Variants in DDC observed in about 807,000 individuals in gnomAD.
DDC encodes dopa decarboxylase, also known as aromatic-L-amino-acid decarboxylase.
A neutral mutation model predicts 60.0 loss-of-function variants in DDC; 43 were observed. The ratio of observed to expected loss-of-function variants is 0.72; its 90% CI spans 0.56 to 0.92. The LOEUF is 0.92. DDC is among the 40% of genes least tolerant of loss of function. The pLI is 0.00. For missense variants in DDC, 573 were observed against 620.2 expected (o/e 0.92, Z 0.81); for synonymous variants, 232 against 234.6 (o/e 0.99, Z 0.10).
intron 6 of DDC, chr7:50,527,906 A>G: frequency 2.2e-6 from 1 of 453,316 alleles, no homozygotes; most frequent in East Asian, 4.3e-5. Context: ...TCAAAGATTA[A>G]TTTTTTTTGA....
At chr7:50,472,704 C>T (rs1049596836) in intron 11 of DDC, among the ~76,000 whole-genome samples, 13 of 152,150 alleles carry the variant, frequency 8.5e-5, no homozygotes, top group Non-Finnish European at 1.9e-4. Flanking sequence ...TTCAGTGTGC[C>T]GTTCACCATC....
At chr7:50,517,779 A>G (rs2043771632) in intron 6 of DDC, among the ~76,000 whole-genome samples, 1 of 150,936 alleles carries the variant, frequency 6.6e-6, no homozygotes, top group African/African-American at 2.4e-5. Flanking sequence ...CTATACACCA[A>G]CAGCAACCAA....
intron 14 of DDC, among the ~76,000 whole-genome samples, chr7:50,460,087 G>A (rs545729855): frequency 5.8e-5 from 8 of 138,198 alleles, no homozygotes; most frequent in South Asian, 2.3e-4. Flanking sequence ...CCGGCCAGCC[G>A]CCCCATCCGG....
At chr7:50,467,407 A>G in intron 12 of DDC, 92 bp from the exon 13 acceptor site, 1 of 1,065,922 alleles carries the variant, frequency 9.4e-7, no homozygotes, top group Non-Finnish European at 1.4e-6. Flanking sequence ...GCCCATGTAT[A>G]ATTCATTTAG....
At chr7:50,503,399 G>T (rs1318111859) in intron 7 of DDC, among the ~76,000 whole-genome samples, 1 of 152,216 alleles carries the variant, frequency 6.6e-6, no homozygotes, top group Non-Finnish European at 1.5e-5. Flanking sequence ...TTCACCTTTT[G>T]AAAACACAGC....
chr7:50,533,880 A>T (rs955742143), intron 4 of DDC, among the ~76,000 whole-genome samples: 3 of 152,176 alleles, frequency 2.0e-5, no homozygotes, highest in Non-Finnish European at 4.4e-5. Context: ...TCACTGCTGG[A>T]TCTGTCCTGC....
intron 5 of DDC, among the ~76,000 whole-genome samples, chr7:50,528,775 C>T (rs2044112264): frequency 6.6e-6 from 1 of 152,064 alleles, no homozygotes; most frequent in Admixed American, 6.5e-5. Context: ...TCAGGAAAGG[C>T]AATTCTCATG....
At chr7:50,459,883 G>A (rs2042221349) in intron 14 of DDC, among the ~76,000 whole-genome samples, 1 of 141,434 alleles carries the variant, frequency 7.1e-6, no homozygotes, top group African/African-American at 2.9e-5. Flanking sequence ...AGGGAGGTGG[G>A]GGGGTCAGCC....
intron 1 of DDC, among the ~76,000 whole-genome samples, chr7:50,544,661 G>A (rs557615032): frequency 3.9e-5 from 6 of 152,044 alleles, no homozygotes; most frequent in Non-Finnish European, 7.3e-5. Flanking sequence ...GCACCTTTAC[G>A]CACCATCTGC....
At chr7:50,547,591 C>T (rs1452095057) in intron 1 of DDC, among the ~76,000 whole-genome samples, 1 of 152,122 alleles carries the variant, frequency 6.6e-6, no homozygotes, top group African/African-American at 2.4e-5. Flanking sequence ...CAACATGTAC[C>T]TCTATTGTTG....
intron 13 of DDC, among the ~76,000 whole-genome samples, chr7:50,466,504 A>C (rs1240081931): frequency 1.5e-5 from 2 of 136,624 alleles, no homozygotes; most frequent in East Asian, 1.9e-4. Flanking sequence ...AAAAAAAAAA[A>C]AAAAAAAAAA....
At chr7:50,557,274 G>A (rs2329342) in intron 1 of DDC, among the ~76,000 whole-genome samples, 48,861 of 151,992 alleles carry the variant, frequency 0.32, 8,521 homozygotes, top group East Asian at 0.49. Context: ...ATTATCCGTG[G>A]AAAGGAGCCA....
At chr7:50,517,825 TAA>T (rs59421951) in intron 6 of DDC, among the ~76,000 whole-genome samples, 13 of 76,178 alleles carry the variant, frequency 1.7e-4, no homozygotes, top group African/African-American at 3.3e-4. Context: ...TTATAATAGC[TAA>T]AAAAAAAAAA....
chr7:50,529,469 C>T (rs2044136221), intron 4 of DDC, 127 bp from the exon 5 acceptor site: 1 of 1,114,824 alleles, frequency 9.0e-7, no homozygotes, highest in Non-Finnish European at 1.3e-6. Flanking sequence ...TGGCAAAATT[C>T]ACTCTCCTTT....
chr7:50,522,073 T>C (rs1047823720), intron 6 of DDC, among the ~76,000 whole-genome samples: 1 of 152,052 alleles, frequency 6.6e-6, no homozygotes, highest in Non-Finnish European at 1.5e-5. Flanking sequence ...AAGTAAACAA[T>C]TATGGCAAGC....
chr7:50,551,970 G>T (rs1016345760), intron 1 of DDC, among the ~76,000 whole-genome samples: 1 of 152,104 alleles, frequency 6.6e-6, no homozygotes, highest in African/African-American at 2.4e-5. Flanking sequence ...AAGACGCTCA[G>T]CTTCTGGGGA....
rs11575542 is a variant in DDC at position 50,463,289 on chromosome 7, C to G, written c.1385G>C (p.Arg462Pro). The G allele has an allele frequency of 6.2e-7, 1 of 1,614,064 alleles. No individual in the cohort carries two copies. Among genetic ancestry groups the G allele is most frequent in the Non-Finnish European group, 8.5e-7 (1 of 1,180,036 alleles). Residue 462 changes from arginine to proline, a missense_variant, in exon 14 of 15, where the codon CGG becomes CCG. Physicochemically the swap from Arg to Pro is moderately radical, Grantham distance 103. Transcript: ENST00000444124. ...CAGCTCTTTGATGTGTTCCCAGGCC[C>G]GCTGCACATGGGCAGATTCCACCGT... is the stretch of plus-strand genomic sequence containing the variant. Reference protein sequence around the residue: ...SRTVESAHVQRAWEHIKELAA... With the variant: ...SRTVESAHVQPAWEHIKELAA...
chr7:50,492,986 T>C, intron 9 of DDC: 5 of 1,598,282 alleles, frequency 3.1e-6, no homozygotes, highest in Non-Finnish European at 4.2e-6. Context: ...AGCCTTAACA[T>C]ACGCACTGGT....
intron 1 of DDC, among the ~76,000 whole-genome samples, chr7:50,555,956 T>C (rs956176999): frequency 3.9e-5 from 6 of 152,190 alleles, no homozygotes; most frequent in African/African-American, 1.4e-4. Flanking sequence ...GAAAAGAGCA[T>C]GGCTTAAGTA....
Sources: allele counts gnomAD v4.1 joint callset (sites outside exome capture counted in the v4.1 genomes callset), GRCh38; gene constraint gnomAD v4.1.1; transcripts MANE v1.5; gene names NCBI Gene and HGNC (gene_info 2026-07-23, HGNC 2026-07-21).